The following CTNND2 variants were observed in gnomAD, a reference collection of about 807,000 sequenced individuals.
The protein encoded by CTNND2 is catenin delta-2.
Under a neutral mutation model 144.4 loss-of-function variants are expected in CTNND2, and 22 were observed. The ratio of observed to expected loss-of-function variants is 0.15; its 90% CI spans 0.11 to 0.22. The LOEUF is 0.22. CTNND2 is among the 10% of genes least tolerant of loss of function. The probability of loss-of-function intolerance (pLI) is 1.00; values close to 1 mark genes in which losing one functional copy is unlikely to be tolerated. For missense variants in CTNND2, 1,353 were observed against 1,618.8 expected, an observed-to-expected ratio of 0.84 and a Z score of 2.82; for synonymous variants, 751 against 695.6, an observed-to-expected ratio of 1.08 and a Z score of -1.25.
intron 1 of CTNND2, among the ~76,000 whole-genome samples, chr5:11,744,426 C>T (rs1052876639): frequency 6.6e-6 from 1 of 152,080 alleles, no homozygotes; most frequent in Admixed American, 6.6e-5. Flanking sequence ...TCAGGGTCCC[C>T]TCAGACCTGA....
intron 2 of CTNND2, among the ~76,000 whole-genome samples, chr5:11,727,149 G>C (rs1013115925): frequency 6.6e-6 from 1 of 152,144 alleles, no homozygotes; most frequent in Non-Finnish European, 1.5e-5. Context: ...GATGCACAGG[G>C]TTAACAAGTA....
At chr5:11,884,589 A>G (rs1429117801) in intron 1 of CTNND2, among the ~76,000 whole-genome samples, 1 of 152,058 alleles carries the variant, frequency 6.6e-6, no homozygotes, top group African/African-American at 2.4e-5. Context: ...TAAATGTAAG[A>G]TCATGTCATC....
At chr5:11,239,456 C>A (rs1277619481) in intron 9 of CTNND2, among the ~76,000 whole-genome samples, 1 of 152,230 alleles carries the variant, frequency 6.6e-6, no homozygotes, top group Non-Finnish European at 1.5e-5. Context: ...CTCCCCACTT[C>A]TGTTCTCCCA....
chr5:11,769,243 G>C (rs980672470), intron 1 of CTNND2, among the ~76,000 whole-genome samples: 8 of 152,254 alleles, frequency 5.3e-5, no homozygotes, highest in African/African-American at 1.9e-4. Flanking sequence ...TCTCCAGAGG[G>C]AACTTTATGG....
intron 16 of CTNND2, among the ~76,000 whole-genome samples, chr5:11,066,067 G>T (rs1235224942): frequency 6.7e-6 from 1 of 149,224 alleles, no homozygotes; most frequent in East Asian, 2.0e-4. Context: ...TTCAGATGGG[G>T]TCTCACTCTG....
intron 3 of CTNND2, among the ~76,000 whole-genome samples, chr5:11,469,237 G>A (rs3912181): frequency 5.9e-5 from 9 of 152,132 alleles, no homozygotes; most frequent in African/African-American, 2.2e-4. Flanking sequence ...CATGTTGGGT[G>A]CCTGCAGATT....
At chr5:11,785,534 T>C (rs1259577572) in intron 1 of CTNND2, among the ~76,000 whole-genome samples, 1 of 152,160 alleles carries the variant, frequency 6.6e-6, no homozygotes, top group East Asian at 1.9e-4. Context: ...ATCTAAACTA[T>C]TTAACACAGT....
At chr5:11,894,979 G>C (rs896627351) in intron 1 of CTNND2, among the ~76,000 whole-genome samples, 1 of 152,178 alleles carries the variant, frequency 6.6e-6, no homozygotes, top group Non-Finnish European at 1.5e-5. Context: ...AGTATGGGGT[G>C]GGGCTGGGGA....
chr5:11,182,180 GGT>G (rs1319102844), intron 11 of CTNND2, among the ~76,000 whole-genome samples: 1 of 146,624 alleles, frequency 6.8e-6, no homozygotes, highest in Admixed American at 6.8e-5. Flanking sequence ...GTGGGCGTGT[GGT>G]GTGTGTGGGG....
At chr5:11,298,287 C>A (rs1198879188) in intron 9 of CTNND2, among the ~76,000 whole-genome samples, 2 of 152,166 alleles carry the variant, frequency 1.3e-5, no homozygotes. Flanking sequence ...CCTCCCACCT[C>A]AGCCCCCTGA....
At chr5:11,834,287 C>T (rs2126968612) in intron 1 of CTNND2, among the ~76,000 whole-genome samples, 1 of 152,338 alleles carries the variant, frequency 6.6e-6, no homozygotes, top group East Asian at 1.9e-4. Context: ...CCCTCTCTTC[C>T]TCTACCCATT....
intron 9 of CTNND2, among the ~76,000 whole-genome samples, chr5:11,292,613 T>G (rs1199256790): frequency 6.6e-6 from 1 of 152,192 alleles, no homozygotes; most frequent in Admixed American, 6.5e-5. Flanking sequence ...CCTGCCGCCA[T>G]GTAAGACGTA....
At chr5:11,353,062 C>CTTT (rs35251702) in intron 8 of CTNND2, among the ~76,000 whole-genome samples, 4 of 125,474 alleles carry the variant, frequency 3.2e-5, no homozygotes, top group East Asian at 2.3e-4. Context: ...GATACACAGT[C>CTTT]TTTTTTTTTT....
intron 9 of CTNND2, among the ~76,000 whole-genome samples, chr5:11,282,860 A>AT (rs1747301950): frequency 6.6e-6 from 1 of 152,198 alleles, no homozygotes; most frequent in Non-Finnish European, 1.5e-5. Flanking sequence ...CTGGCTATTT[A>AT]TTGTACCATC....
At chr5:11,489,370 A>G (rs1159606066) in intron 3 of CTNND2, among the ~76,000 whole-genome samples, 1 of 152,162 alleles carries the variant, frequency 6.6e-6, no homozygotes, top group Non-Finnish European at 1.5e-5. Flanking sequence ...AAGTCCTTCC[A>G]TTTTAAACCA....
At chr5:11,345,094 A>C (rs952704070) in intron 9 of CTNND2, among the ~76,000 whole-genome samples, 7 of 152,154 alleles carry the variant, frequency 4.6e-5, no homozygotes, top group Non-Finnish European at 8.8e-5. Context: ...ATTTCTACAC[A>C]TTTTCAGTAG....
intron 16 of CTNND2, among the ~76,000 whole-genome samples, chr5:11,052,924 T>C (rs976955685): frequency 1.3e-5 from 2 of 151,996 alleles, no homozygotes; most frequent in Non-Finnish European, 2.9e-5. Context: ...TTCATAATGC[T>C]TTTTTTTCCC....
intron 9 of CTNND2, among the ~76,000 whole-genome samples, chr5:11,271,728 T>G (rs776296063): frequency 6.6e-6 from 1 of 152,176 alleles, no homozygotes; most frequent in South Asian, 2.1e-4. Context: ...CATCTGCAAA[T>G]TTGGCTCCAA....
intron 3 of CTNND2, among the ~76,000 whole-genome samples, chr5:11,519,760 G>C (rs1012913873): frequency 6.6e-6 from 1 of 152,022 alleles, no homozygotes; most frequent in African/African-American, 2.4e-5. Flanking sequence ...AGGAAGGTAG[G>C]TAGGTAGGTA....
Sources: allele counts gnomAD v4.1 joint callset (sites outside exome capture counted in the v4.1 genomes callset), GRCh38; gene constraint gnomAD v4.1.1; transcripts MANE v1.5; gene names NCBI Gene and HGNC (gene_info 2026-07-23, HGNC 2026-07-21).